Variants in MCTP1 observed in about 807,000 individuals in gnomAD.
MCTP1 encodes multiple C2 and transmembrane domain-containing protein 1.
In MCTP1, 69 loss-of-function variants were observed where a neutral mutation model predicts 120.6. That is an observed-to-expected ratio of 0.57 (90% CI 0.47 to 0.70). The LOEUF is 0.70. Ranked by LOEUF, MCTP1 falls within the 30% of genes least tolerant of loss-of-function variation. MCTP1 has a pLI of 0.00. For missense variants in MCTP1, 1,203 were observed against 1,248.8 expected (o/e 0.96, Z 0.55); for synonymous variants, 529 against 493.1 (o/e 1.07, Z -0.96).
At chr5:94,898,189 T>G (rs1804602950) in intron 10 of MCTP1, among the ~76,000 whole-genome samples, 1 of 152,214 alleles carries the variant, frequency 6.6e-6, no homozygotes, top group Non-Finnish European at 1.5e-5. Flanking sequence ...CTTTAATAAT[T>G]CCAATGTAGA....
intron 7 of MCTP1, among the ~76,000 whole-genome samples, chr5:94,918,898 A>G (rs1810838452): frequency 6.6e-6 from 1 of 152,186 alleles, no homozygotes; most frequent in Non-Finnish European, 1.5e-5. Flanking sequence ...GAAGATAAGT[A>G]CCCCACTCAA....
At chr5:95,053,429 T>A (rs562518262) in intron 1 of MCTP1, among the ~76,000 whole-genome samples, 1 of 152,158 alleles carries the variant, frequency 6.6e-6, no homozygotes. Flanking sequence ...GGGAGGAGTG[T>A]GAGCACTGCC....
chr5:94,827,109 G>GT (rs1460126730), intron 17 of MCTP1, among the ~76,000 whole-genome samples: 1 of 152,046 alleles, frequency 6.6e-6, no homozygotes, highest in Non-Finnish European at 1.5e-5. Flanking sequence ...GCCGGTTCTG[G>GT]TTTTTCCTTT....
chr5:95,050,325 T>A (rs1470287280), intron 1 of MCTP1, among the ~76,000 whole-genome samples: 1 of 152,206 alleles, frequency 6.6e-6, no homozygotes, highest in East Asian at 1.9e-4. Context: ...TTGGAAAATA[T>A]CTTTACTAAA....
chr5:94,969,676 A>T (rs1365705853), intron 2 of MCTP1, among the ~76,000 whole-genome samples: 2 of 152,152 alleles, frequency 1.3e-5, no homozygotes, highest in African/African-American at 4.8e-5. Context: ...TTTAAGCTGG[A>T]TCTTTCTGAA....
At chr5:94,839,917 A>C (rs1790628821) in intron 17 of MCTP1, among the ~76,000 whole-genome samples, 1 of 152,210 alleles carries the variant, frequency 6.6e-6, no homozygotes, top group Admixed American at 6.5e-5. Context: ...CATTTGCCTT[A>C]ATTGAAAGAA....
At chr5:95,090,560 C>T (rs1039020247) in intron 1 of MCTP1, among the ~76,000 whole-genome samples, 3 of 152,196 alleles carry the variant, frequency 2.0e-5, no homozygotes, top group African/African-American at 7.2e-5. Flanking sequence ...TTGTGCGGCA[C>T]ACAGGCAATC....
chr5:95,188,387 C>G (rs1749461744), intron 1 of MCTP1, among the ~76,000 whole-genome samples: 2 of 152,134 alleles, frequency 1.3e-5, no homozygotes, highest in Admixed American at 6.6e-5. Flanking sequence ...CCATATGACC[C>G]AGCAATTGTG....
intron 17 of MCTP1, among the ~76,000 whole-genome samples, chr5:94,828,735 G>T (rs1268449436): frequency 6.6e-6 from 1 of 152,158 alleles, no homozygotes; most frequent in East Asian, 1.9e-4. Flanking sequence ...CGAACTTCCT[G>T]GCAGCTTTGT....
At chr5:94,846,726 TAAACCGGAATC>T (rs1350937121) in intron 17 of MCTP1, among the ~76,000 whole-genome samples, 3 of 151,974 alleles carry the variant, frequency 2.0e-5, no homozygotes, top group Non-Finnish European at 4.4e-5. Context: ...CAAGACCAAT[TAAACCGGAATC>T]ATTGAGGGGC....
At chr5:94,894,069 G>A (rs1803317894) in intron 11 of MCTP1, among the ~76,000 whole-genome samples, 1 of 152,110 alleles carries the variant, frequency 6.6e-6, no homozygotes, top group Non-Finnish European at 1.5e-5. Context: ...TTTGAAGAGG[G>A]TAGTCATTTT....
intron 9 of MCTP1, 56 bp from the exon 10 acceptor site, chr5:94,909,437 A>T: frequency 6.5e-7 from 1 of 1,539,622 alleles, no homozygotes; most frequent in Non-Finnish European, 8.7e-7. Flanking sequence ...AAAAAACTTC[A>T]ACCTGAGACA....
At chr5:94,990,404 A>G (rs1831301076) in intron 2 of MCTP1, among the ~76,000 whole-genome samples, 4 of 152,166 alleles carry the variant, frequency 2.6e-5, no homozygotes, top group Non-Finnish European at 5.9e-5. Context: ...AGGCTCATTC[A>G]GGTTATGGCA....
At position 94,905,828 on chromosome 5, in the gene MCTP1, G is replaced by A. The variant is rs148679964; in HGVS notation, c.1652+3423C>T. ...AGTTATGGAGTGGAGCTGGACTCTT[G>A]TGAATCAATGAAGTCACCATGGGAG... On this transcript the variant is annotated intron_variant, in intron 10 of 22. Transcript: ENST00000515393. Among the ~76,000 whole-genome samples, 222 of 152,254 alleles carry A rather than the reference G, an allele frequency of 1.5e-3. 1 individual carries two copies. Among genetic ancestry groups the A allele is most frequent in the Middle Eastern group, 0.01 (3 of 294 alleles).
chr5:95,021,810 A>C (rs1206399840), intron 1 of MCTP1, among the ~76,000 whole-genome samples: 1 of 152,120 alleles, frequency 6.6e-6, no homozygotes, highest in African/African-American at 2.4e-5. Context: ...ACTGTGAAAA[A>C]TGGTGAAAAC....
intron 2 of MCTP1, among the ~76,000 whole-genome samples, chr5:94,954,599 TAA>T (rs1200648139): frequency 6.6e-6 from 1 of 152,194 alleles, no homozygotes; most frequent in Admixed American, 6.5e-5. Context: ...TAAATTTAAT[TAA>T]AGTTATAAAT....
intron 17 of MCTP1, among the ~76,000 whole-genome samples, chr5:94,855,788 A>G (rs1794621899): frequency 6.6e-6 from 1 of 151,816 alleles, no homozygotes; most frequent in South Asian, 2.1e-4. Flanking sequence ...AACAAACACC[A>G]TGATGAGATA....
chr5:95,025,026 T>C lies in MCTP1; in HGVS notation c.721-7542A>G, dbSNP rs956131626. ...ATCTACAGATTCAATGCAATCTCTA[T>C]CATAATTTCAATGACGTTATTCACA... On this transcript the variant is annotated intron_variant, in intron 1 of 22. Transcript: ENST00000515393. Among the ~76,000 whole-genome samples the C allele has an allele frequency of 2.6e-5, 4 of 152,150 alleles. No homozygotes were observed. The East Asian group carries it at 7.7e-4, about 29-fold the overall frequency.
chr5:94,904,547 T>C (rs1359505720), intron 10 of MCTP1, among the ~76,000 whole-genome samples: 3 of 152,242 alleles, frequency 2.0e-5, no homozygotes, highest in Non-Finnish European at 4.4e-5. Context: ...TTGGTAAATG[T>C]ATAGCCTACT....
Sources: allele counts gnomAD v4.1 joint callset (sites outside exome capture counted in the v4.1 genomes callset), GRCh38; gene constraint gnomAD v4.1.1; transcripts MANE v1.5; gene names NCBI Gene and HGNC (gene_info 2026-07-23, HGNC 2026-07-21).